JCAD: variants seen among roughly 807,000 people sequenced by gnomAD.
The protein encoded by JCAD is junctional cadherin 5-associated protein.
JCAD carries 40 observed loss-of-function variants against 98.0 expected under a neutral mutation model. The ratio of observed to expected loss-of-function variants is 0.41; its 90% CI spans 0.32 to 0.53. The LOEUF (loss-of-function observed/expected upper bound fraction) is 0.53. Among genes scored for constraint, JCAD ranks in the 20% least tolerant of loss-of-function variants. The pLI is 0.31. For synonymous variants in JCAD, 691 were observed against 682.3 expected, an observed-to-expected ratio of 1.01 and a Z score of -0.20; for missense variants, 1,705 against 1,738.1, an observed-to-expected ratio of 0.98 and a Z score of 0.34.
In JCAD at chr10:30,016,407, AGG is replaced by A. The variant is rs1836536130; in HGVS notation, c.*1474_*1475del. On this transcript the variant is annotated 3_prime_UTR_variant, in exon 4 of 4. Coordinates refer to ENST00000375377, the MANE Select transcript of JCAD (RefSeq NM_020848.4). ...AAGGAAGGAAGAAAGGAAGGGAGGG[AGG>A]GAGGGAGGGAGGGGAAATGATTTAG... 1.7e-5 allele frequency: 1 copy of A among 57,646 alleles called. No individual in the cohort carries two copies. Among genetic ancestry groups the A allele is most frequent in the African/African-American group, 7.3e-5 (1 of 13,666 alleles). 3.6% of individuals were successfully genotyped at this position (57,646 alleles called of 1,614,324 possible). A position where few individuals can be genotyped will look rare whatever the true frequency, so the allele number is the denominator to read the frequency against.
In JCAD at chr10:30,029,433, C is replaced by CG; in HGVS notation, c.714dup (p.Glu239ArgfsTer14). On this transcript the variant is annotated frameshift_variant, in exon 3 of 4. Transcript: ENST00000375377. LOFTEE classifies it high-confidence loss of function. ...GGAATTTCCGTGCAACTCAGGCTCT[C>CG]GGGGGAAAGAACTCTAGGCAGTGAG... 1 of 1,614,008 alleles carries CG rather than the reference C, an allele frequency of 6.2e-7. No homozygotes were observed. Among genetic ancestry groups the CG allele is most frequent in the Non-Finnish European group, 8.5e-7 (1 of 1,180,002 alleles).
intron 2 of JCAD, among the ~76,000 whole-genome samples, chr10:30,047,200 C>T (rs1837355730): frequency 6.6e-6 from 1 of 151,834 alleles, no homozygotes; most frequent in South Asian, 2.1e-4. Flanking sequence ...GGTGAAACCC[C>T]GTCTCTACTA....
chr10:30,040,259 C>A (rs1837214828), intron 2 of JCAD, among the ~76,000 whole-genome samples: 1 of 152,174 alleles, frequency 6.6e-6, no homozygotes, highest in Non-Finnish European at 1.5e-5. Flanking sequence ...GAAGCTACAC[C>A]CATTTCCACA....
intron 1 of JCAD, among the ~76,000 whole-genome samples, chr10:30,092,998 G>A (rs1385983276): frequency 1.3e-5 from 2 of 152,050 alleles, no homozygotes; most frequent in African/African-American, 4.8e-5. Context: ...GCTCTAAGTA[G>A]GCCATGGGTT....
At chr10:30,050,827 T>G (rs1471235539) in intron 1 of JCAD, among the ~76,000 whole-genome samples, 2 of 152,254 alleles carry the variant, frequency 1.3e-5, no homozygotes, top group Non-Finnish European at 2.9e-5. Context: ...AACCCAGGAT[T>G]GCAGCACACA....
chr10:30,100,928 G>A (rs1259854167), intron 1 of JCAD, among the ~76,000 whole-genome samples: 1 of 152,110 alleles, frequency 6.6e-6, no homozygotes, highest in Non-Finnish European at 1.5e-5. Context: ...ACTGGAAGTG[G>A]GACTTCCAAG....
chr10:30,070,624 G>A (rs117621940), intron 1 of JCAD, among the ~76,000 whole-genome samples: 2 of 152,282 alleles, frequency 1.3e-5, no homozygotes, highest in Non-Finnish European at 2.9e-5. Flanking sequence ...ATACCTGGAG[G>A]TTACTGTAAC....
At chr10:30,098,673 C>T (rs759748055) in intron 1 of JCAD, among the ~76,000 whole-genome samples, 2 of 152,204 alleles carry the variant, frequency 1.3e-5, no homozygotes, top group African/African-American at 4.8e-5. Context: ...GTCCTCCAAT[C>T]CCTAACACTT....
intron 1 of JCAD, among the ~76,000 whole-genome samples, chr10:30,056,723 C>T (rs1003306415): frequency 6.6e-6 from 1 of 152,164 alleles, no homozygotes; most frequent in African/African-American, 2.4e-5. Flanking sequence ...CCAAGCATAT[C>T]TATAGAAAGT....
rs61741026 is a variant in JCAD at position 30,026,310 on chromosome 10, C to T, written c.3838G>A (p.Asp1280Asn). Residue 1280 changes from aspartate (D) to asparagine (N), a missense_variant, in exon 3 of 4, where the codon GAC becomes AAC. Asp to Asn is a conservative substitution (Grantham distance 23). Coordinates refer to ENST00000375377, the MANE Select transcript of JCAD (RefSeq NM_020848.4). ...RMRVLSFRNA[D>N]SQEDAEELKA... ...AATTCCTCGGCGTCCTCCTGGGAGT[C>T]GGCATTCCTGAAGCTCAGGACTCTC... 2,214 of 1,614,062 alleles carry T rather than the reference C, an allele frequency of 1.4e-3. 36 individuals carry two copies. In the African/African-American group the frequency reaches 0.027, roughly 20 times the overall value.
chr10:30,027,631 G>T lies in JCAD; in HGVS notation c.2517C>A (p.Asn839Lys). The T allele has an allele frequency of 6.2e-7, 1 of 1,614,250 alleles. No homozygotes were observed. Among genetic ancestry groups the T allele is most frequent in the Non-Finnish European group, 8.5e-7 (1 of 1,180,040 alleles). ...WDLISQLESFNKELQEEEESS... is the reference protein window; with the variant it reads ...WDLISQLESFKKELQEEEESS... ...TTTCTTCCTCTTCCTGGAGCTCCTT[G>T]TTAAAACTTTCTAACTGACTGATCA... Residue 839 changes from asparagine to lysine, a missense_variant, in exon 3 of 4, where the codon AAC becomes AAA. Asn to Lys is a moderately conservative substitution (Grantham distance 94, BLOSUM62 0). This residue lies in a region of JCAD where 1,278 missense variants were observed against 1,243.1 expected (regional missense o/e 1.03). Transcript: ENST00000375377.
At chr10:30,100,711 C>T (rs1469413187) in intron 1 of JCAD, among the ~76,000 whole-genome samples, 1 of 152,142 alleles carries the variant, frequency 6.6e-6, no homozygotes, top group African/African-American at 2.4e-5. Flanking sequence ...TAAACAAAGC[C>T]TGAGGCATAA....
intron 1 of JCAD, among the ~76,000 whole-genome samples, chr10:30,104,010 G>T (rs375449046): frequency 1.3e-5 from 2 of 152,212 alleles, no homozygotes; most frequent in Non-Finnish European, 2.9e-5. Context: ...TACACCAAAA[G>T]AATTGAACTC....
At chr10:30,018,953 T>G (rs1238098869) in intron 3 of JCAD, among the ~76,000 whole-genome samples, 1 of 152,244 alleles carries the variant, frequency 6.6e-6, no homozygotes, top group Admixed American at 6.5e-5. Flanking sequence ...AAGAGATATC[T>G]GCACTGCAGC....
intron 1 of JCAD, among the ~76,000 whole-genome samples, chr10:30,071,631 C>T (rs900670501): frequency 6.6e-6 from 1 of 151,952 alleles, no homozygotes; most frequent in Admixed American, 6.6e-5. Flanking sequence ...ATGGTGAAAT[C>T]CTGTCTCTAC....
At chr10:30,078,709 A>G (rs1370903691) in intron 1 of JCAD, among the ~76,000 whole-genome samples, 1 of 152,214 alleles carries the variant, frequency 6.6e-6, no homozygotes, top group Non-Finnish European at 1.5e-5. Flanking sequence ...ACAAAAAGTC[A>G]CAGGACAATC....
chr10:30,106,523 C>T (rs560178830), intron 1 of JCAD, among the ~76,000 whole-genome samples: 52 of 152,152 alleles, frequency 3.4e-4, no homozygotes, highest in East Asian at 9.7e-4. Context: ...TTTGGATGAA[C>T]GTTGTAGTGC....
At position 30,108,476 on chromosome 10, in the gene JCAD, C is replaced by A. The variant is rs139868384; in HGVS notation, n.128+6891G>T. 4.7e-3 allele frequency among the ~76,000 whole-genome samples: 719 copies of A among 152,216 alleles called. 9 individuals carry two copies. The highest frequency in any genetic ancestry group is 0.017 in the African/African-American group (694 of 41,524). ...GGAACACTGCTTTGCAATGGGGCGACGAGAATTTTATCAGAAAGATTGCAG... is the reference window on the plus strand; with the variant it reads ...GGAACACTGCTTTGCAATGGGGCGAAGAGAATTTTATCAGAAAGATTGCAG... On this transcript the variant is annotated intron_variant and non_coding_transcript_variant, in intron 1 of 2. Transcript: ENST00000465712.
chr10:30,047,862 G>A lies in JCAD; in HGVS notation c.-50C>T. The A allele has an allele frequency of 6.4e-7, 1 of 1,557,792 alleles. No individual in the cohort carries two copies. Among genetic ancestry groups the A allele is most frequent in the Non-Finnish European group, 8.7e-7 (1 of 1,149,860 alleles). ...AACCACTGGAACCATGGTGGTGGCA[G>A]GACCCAGCACTGCAGGACAACAGAG... On this transcript the variant is annotated 5_prime_UTR_variant, in exon 2 of 4. Transcript: ENST00000375377.
Sources: gnomAD v4.1 joint callset for allele counts (sites outside exome capture counted in the v4.1 genomes callset) on GRCh38, gnomAD v4.1.1 for gene constraint, gnomAD v4.1.1 regional missense constraint, MANE v1.5 for transcripts, NCBI Gene and HGNC (gene_info 2026-07-23, HGNC 2026-07-21) for gene names.